WHRN: variants seen among roughly 807,000 people sequenced by gnomAD.
The protein encoded by WHRN is CASK-interacting protein CIP98.
In WHRN, 41 loss-of-function variants were observed where a neutral mutation model predicts 68.3. That is an observed-to-expected ratio of 0.60 (90% CI 0.47 to 0.78). The LOEUF is 0.78. WHRN is among the 30% of genes least tolerant of loss of function. The pLI, the probability that WHRN is intolerant of heterozygous loss-of-function variation, is 0.00. For synonymous variants in WHRN, 560 were observed against 561.3 expected (o/e 1.00, Z 0.03); for missense variants, 1,243 against 1,244.7 (o/e 1.00, Z 0.02).
chr9:114,426,967 A>G lies in WHRN; in HGVS notation c.964-554T>C, dbSNP rs529192575. 9.8e-5 allele frequency among the ~76,000 whole-genome samples: 15 copies of G among 152,338 alleles called. No individual in the cohort carries two copies. The South Asian group carries it at 2.7e-3, about 27-fold the overall frequency. On this transcript the variant is annotated intron_variant, in intron 3 of 11. Transcript: ENST00000362057. ...TACAAGGAGGCAGCTTTATTTTGTA[A>G]TTAAAAAAATATTTCTGGCAGGTAC...
At chr9:114,474,735 T>C (rs1297695593) in intron 2 of WHRN, among the ~76,000 whole-genome samples, 1 of 152,140 alleles carries the variant, frequency 6.6e-6, no homozygotes, top group African/African-American at 2.4e-5. Flanking sequence ...CATTTATACC[T>C]CATAGAATGT....
chr9:114,406,930 C>T, intron 8 of WHRN, 38 bp from the exon 9 acceptor site: 1 of 1,550,734 alleles, frequency 6.4e-7, no homozygotes, highest in Non-Finnish European at 8.7e-7. Flanking sequence ...GGAGTCAGAC[C>T]CCATCACGCC....
chr9:114,481,888 G>A (rs538111644), intron 1 of WHRN, among the ~76,000 whole-genome samples: 20 of 152,272 alleles, frequency 1.3e-4, no homozygotes, highest in Non-Finnish European at 2.9e-4. Flanking sequence ...GGCATTGCCT[G>A]GCACACAGTA....
intron 3 of WHRN, among the ~76,000 whole-genome samples, chr9:114,437,712 C>A (rs1488741553): frequency 6.6e-6 from 1 of 152,238 alleles, no homozygotes; most frequent in Non-Finnish European, 1.5e-5. Flanking sequence ...AGGAACTGAA[C>A]TGGCCAACAC....
Position 114,424,478 on chromosome 9 carries a change from C to G in WHRN, c.1272G>C (p.Val424=). Residue 424 remains valine, a synonymous_variant, in exon 6 of 12, where the codon GTG becomes GTC. Coordinates refer to ENST00000362057, the MANE Select transcript of WHRN (RefSeq NM_015404.4). ...GGTGCCGAGCCTGCTCCTCCAGCAG[C>G]ACTCGTGTCTGGTTCCCCAGGCTGC... ...TLSSLGNQTR[V]LLEEQARHLL... is the part of the protein sequence containing the mutation. The G allele has an allele frequency of 6.2e-7, 1 of 1,614,054 alleles. No individual in the cohort carries two copies. The highest frequency in any genetic ancestry group is 1.7e-4 in the Middle Eastern group (1 of 5,998).
At chr9:114,479,640 C>G (rs888921916) in intron 1 of WHRN, among the ~76,000 whole-genome samples, 6 of 152,158 alleles carry the variant, frequency 3.9e-5, no homozygotes, top group Admixed American at 6.5e-5. Flanking sequence ...CTGCGCTGCA[C>G]CTGATATGCA....
At position 114,426,247 on chromosome 9, in the gene WHRN, C is replaced by G; in HGVS notation, c.1130G>C (p.Ser377Thr). 1 of 1,612,682 alleles carries G rather than the reference C, an allele frequency of 6.2e-7. No homozygotes were observed. The highest frequency in any genetic ancestry group is 8.5e-7 in the Non-Finnish European group (1 of 1,180,034). The change falls in exon 4 of 12, where the codon AGT becomes ACT. Residue 377 changes from serine to threonine, a missense_variant. Transcript: ENST00000362057. ...TTVDETKWIA[S>T]SRIRETMANS... ...CGCCATGGTCTCCCTGATCCGGGAACTGGCGATCCACTTGGTCTCGTCCAC... is the reference window on the plus strand; with the variant it reads ...CGCCATGGTCTCCCTGATCCGGGAAGTGGCGATCCACTTGGTCTCGTCCAC...
rs745473400 is a variant in WHRN at position 114,424,442 on chromosome 9, C to T, written c.1308G>A (p.Glu436=). ...LEEQARHLLN[E]QEHATMAYYL... is the part of the protein sequence containing the mutation. ...AGTAGGCCATGGTGGCGTGTTCCTG[C>T]TCGTTCAGCAGGTGCCGAGCCTGCT... Residue 436 remains glutamate, a synonymous_variant, in exon 6 of 12, where the codon GAG becomes GAA. Transcript: ENST00000362057. 2.5e-6 allele frequency: 4 copies of T among 1,613,650 alleles called. No homozygotes were observed. The Admixed American group carries it at 5.0e-5, about 20-fold the overall frequency.
At position 114,489,285 on chromosome 9, in the gene WHRN, G is replaced by C. The variant is rs572248642; in HGVS notation, c.619-10514C>G. On this transcript the variant is annotated intron_variant, in intron 1 of 11. Coordinates refer to ENST00000362057, the MANE Select transcript of WHRN (RefSeq NM_015404.4). ...TAAAGAGACAGTGAAGAAATGAAAG[G>C]ATGCTTTCTTCTTGGAATTGAACAC... is the stretch of plus-strand genomic sequence containing the variant. 9.2e-5 allele frequency among the ~76,000 whole-genome samples: 14 copies of C among 152,248 alleles called. No individual in the cohort carries two copies. The South Asian group carries it at 2.9e-3, about 32-fold the overall frequency.
chr9:114,445,854 G>T (rs1466356231), intron 3 of WHRN, among the ~76,000 whole-genome samples: 2 of 152,102 alleles, frequency 1.3e-5, no homozygotes, highest in East Asian at 3.9e-4. Flanking sequence ...CTCATTTGTT[G>T]CTCCTTTTAA....
intron 3 of WHRN, among the ~76,000 whole-genome samples, chr9:114,431,617 T>G (rs1837434305): frequency 6.6e-6 from 1 of 152,070 alleles, no homozygotes; most frequent in African/African-American, 2.4e-5. Context: ...TTGGTGTGAG[T>G]GAATTTGGAG....
chr9:114,430,109 G>A (rs1442486168), intron 3 of WHRN, among the ~76,000 whole-genome samples: 1 of 152,168 alleles, frequency 6.6e-6, no homozygotes, highest in Admixed American at 6.5e-5. Context: ...CTGCAGTTTA[G>A]TTAAAGGAAC....
intron 3 of WHRN, among the ~76,000 whole-genome samples, chr9:114,465,660 T>G (rs4979406): frequency 6.6e-6 from 1 of 152,246 alleles, no homozygotes; most frequent in South Asian, 2.1e-4. Context: ...TAAGTGAGGG[T>G]TTTGAAATTC....
At chr9:114,490,035 G>A (rs1278364450) in intron 1 of WHRN, among the ~76,000 whole-genome samples, 3 of 152,234 alleles carry the variant, frequency 2.0e-5, no homozygotes, top group African/African-American at 7.2e-5. Flanking sequence ...TGGCTTCACA[G>A]TAGCATCCTC....
In WHRN at chr9:114,430,736, C is replaced by T. The variant is rs145164445; in HGVS notation, c.964-4323G>A. On this transcript the variant is annotated intron_variant, in intron 3 of 11. Transcript: ENST00000362057. Reference sequence around the variant, plus strand: ...CAGCATAGATTCCTGTGCAATCTGCCTGGGGAACGGCTGTGAAATGGGAGT... The same window carrying T: ...CAGCATAGATTCCTGTGCAATCTGCTTGGGGAACGGCTGTGAAATGGGAGT... 3.3e-5 allele frequency among the ~76,000 whole-genome samples: 5 copies of T among 152,322 alleles called. No homozygotes were observed. The East Asian group carries it at 9.7e-4, about 29-fold the overall frequency.
chr9:114,504,835 G>A lies in WHRN; in HGVS notation c.-34C>T, dbSNP rs545201037. The A allele has an allele frequency of 2.6e-4, 364 of 1,378,592 alleles. No individual in the cohort carries two copies. The African/African-American group carries it at 5.2e-3, about 20-fold the overall frequency. 85.4% of individuals were successfully genotyped at this position (1,378,592 alleles called of 1,614,324 possible). Reference sequence around the variant, plus strand: ...CGAGGCCCGGCCGGGCTCTGAGCGCGCGGGGTGTGGGCGGTGCCGCTGTCC... The same window carrying A: ...CGAGGCCCGGCCGGGCTCTGAGCGCACGGGGTGTGGGCGGTGCCGCTGTCC... On this transcript the variant is annotated 5_prime_UTR_variant, in exon 1 of 12. Coordinates refer to ENST00000362057, the MANE Select transcript of WHRN (RefSeq NM_015404.4).
intron 3 of WHRN, among the ~76,000 whole-genome samples, chr9:114,455,991 T>C (rs1021432098): frequency 1.3e-5 from 2 of 152,152 alleles, no homozygotes; most frequent in Non-Finnish European, 2.9e-5. Flanking sequence ...TCATATAATT[T>C]ATTGAATACT....
At position 114,493,380 on chromosome 9, in the gene WHRN, G is replaced by C. The variant is rs375640874; in HGVS notation, c.618+10804C>G. ...TTAAAAAAAAAAAAAAAGTGGGGGT[G>C]GGGGGGTGGGGAGAAAAAACGTTTT... On this transcript the variant is annotated intron_variant, in intron 1 of 11. Coordinates refer to ENST00000362057, the MANE Select transcript of WHRN (RefSeq NM_015404.4). Among the ~76,000 whole-genome samples the C allele has an allele frequency of 8.4e-4, 91 of 107,894 alleles. 1 individual carries two copies. The highest frequency in any genetic ancestry group is 3.0e-3 in the African/African-American group (89 of 29,556). 70.8% of individuals were successfully genotyped at this position (107,894 alleles called of 152,430 possible).
chr9:114,403,419 C>A, intron 10 of WHRN, 80 bp from the exon 11 acceptor site: 1 of 1,583,752 alleles, frequency 6.3e-7, no homozygotes, highest in Non-Finnish European at 8.7e-7. Context: ...GCCGTGACAC[C>A]ACCCTGGGTC....
Sources: allele counts gnomAD v4.1 joint callset (sites outside exome capture counted in the v4.1 genomes callset), GRCh38; gene constraint gnomAD v4.1.1; transcripts MANE v1.5; gene names NCBI Gene and HGNC (gene_info 2026-07-23, HGNC 2026-07-21).